USP3: variants seen among roughly 807,000 people sequenced by gnomAD.
USP3 encodes ubiquitin carboxyl-terminal hydrolase 3.
In USP3, 20 loss-of-function variants were observed where a neutral mutation model predicts 72.3. The ratio of observed to expected loss-of-function variants is 0.28; its 90% CI spans 0.19 to 0.40. The LOEUF is 0.40. USP3 is among the 10% of genes least tolerant of loss of function. The pLI is 1.00. For synonymous variants in USP3, 222 were observed against 225.3 expected, an observed-to-expected ratio of 0.99 and a Z score of 0.13; for missense variants, 479 against 633.9, an observed-to-expected ratio of 0.76 and a Z score of 2.62.
rs570103870 is a variant in USP3, at chr15:63,553,527, C to T, written c.285-188C>T. 40 of 435,496 alleles carry T rather than the reference C, an allele frequency of 9.2e-5. No homozygotes were observed. Among genetic ancestry groups the T allele is most frequent in the African/African-American group, 4.3e-4 (21 of 48,834 alleles). 27.0% of individuals were successfully genotyped at this position (435,496 alleles called of 1,614,324 possible). On this transcript the variant is annotated intron_variant, in intron 3 of 14. Coordinates refer to ENST00000380324, the MANE Select transcript of USP3 (RefSeq NM_006537.4). This position sits in a 1 kb window ranked among gnomAD's most constrained non-coding sequence, Gnocchi z 4.2. ...AAAAGAAGCTCATGTTCATTGCCTA[C>T]GTGGCTTTTAAAAAAGACTCTTGAA...
chr15:63,511,303 A>T (rs932805645), intron 1 of USP3, among the ~76,000 whole-genome samples: 13 of 109,144 alleles, frequency 1.2e-4, no homozygotes, highest in Non-Finnish European at 1.9e-4. Context: ...TTTGTTATTC[A>T]GTAACTTAAT....
intron 3 of USP3, among the ~76,000 whole-genome samples, chr15:63,542,543 C>A (rs2066259896): frequency 6.6e-6 from 1 of 151,844 alleles, no homozygotes; most frequent in African/African-American, 2.4e-5. Context: ...TATATAATTA[C>A]CAAGTAGAGT....
chr15:63,571,152 T>C (rs903211885), intron 9 of USP3, among the ~76,000 whole-genome samples: 6 of 152,220 alleles, frequency 3.9e-5, no homozygotes, highest in Non-Finnish European at 7.3e-5. Context: ...AGGACACTTA[T>C]TTTGCTTGAA....
chr15:63,582,371 C>A (rs1297531343), intron 11 of USP3, among the ~76,000 whole-genome samples: 1 of 152,194 alleles, frequency 6.6e-6, no homozygotes, highest in East Asian at 1.9e-4. Flanking sequence ...GCACACCAGT[C>A]TCCTTACCTT....
At chr15:63,560,905 ACTCCCATT>A (rs1184266494) in intron 7 of USP3, among the ~76,000 whole-genome samples, 3 of 151,804 alleles carry the variant, frequency 2.0e-5, no homozygotes, top group Non-Finnish European at 2.9e-5. Flanking sequence ...ACTTCCACAC[ACTCCCATT>A]CTCACTCATT....
At chr15:63,558,026 G>A in intron 5 of USP3, 80 bp from the exon 6 acceptor site, 16 of 1,469,076 alleles carry the variant, frequency 1.1e-5, no homozygotes, top group Non-Finnish European at 1.5e-5. Flanking sequence ...AGATTTCAGA[G>A]GCCTTTCCTT....
At chr15:63,563,279 C>G (rs1000476193) in intron 8 of USP3, among the ~76,000 whole-genome samples, 2 of 152,156 alleles carry the variant, frequency 1.3e-5, no homozygotes, top group African/African-American at 4.8e-5. Flanking sequence ...CTTATGCGCA[C>G]TAGGAAAACA....
chr15:63,537,253 G>A lies in USP3; in HGVS notation c.284+97G>A, dbSNP rs1294624576. 3.0e-6 allele frequency: 4 copies of A among 1,354,806 alleles called. No individual in the cohort carries two copies. The East Asian group carries it at 7.7e-5, about 26-fold the overall frequency. 83.9% of individuals were successfully genotyped at this position (1,354,806 alleles called of 1,614,324 possible). A position where few individuals can be genotyped will look rare whatever the true frequency, so the allele number is the denominator to read the frequency against. On this transcript the variant is annotated intron_variant, in intron 3 of 14. Transcript: ENST00000380324. ...AGTCTCTAAGCCAGTTACTACTGCTGTTACCTCCTTTTACAACTGTTAGGA... is the reference window on the plus strand; with the variant it reads ...AGTCTCTAAGCCAGTTACTACTGCTATTACCTCCTTTTACAACTGTTAGGA...
chr15:63,532,333 C>T (rs887029756), intron 1 of USP3, among the ~76,000 whole-genome samples: 1 of 152,076 alleles, frequency 6.6e-6, no homozygotes, highest in Non-Finnish European at 1.5e-5. Context: ...AATAGACTGT[C>T]GTTAACTTGT....
chr15:63,581,057 C>T (rs2066949047), intron 11 of USP3, among the ~76,000 whole-genome samples: 1 of 152,072 alleles, frequency 6.6e-6, no homozygotes, highest in African/African-American at 2.4e-5. Context: ...CTGCCTGCCT[C>T]GGCCTCCCAA....
intron 8 of USP3, among the ~76,000 whole-genome samples, chr15:63,563,810 T>C (rs1273135203): frequency 6.6e-6 from 1 of 152,234 alleles, no homozygotes; most frequent in East Asian, 1.9e-4. Flanking sequence ...TCATCTATCT[T>C]GCCCTATTGC....
intron 8 of USP3, among the ~76,000 whole-genome samples, chr15:63,568,286 C>T (rs144361510): frequency 6.7e-6 from 1 of 148,552 alleles, no homozygotes; most frequent in African/African-American, 2.5e-5. Context: ...ACCAGGGAGT[C>T]GGAGGTTGCA....
chr15:63,592,170 C>T lies in USP3; in HGVS notation c.*1344C>T, dbSNP rs1239959654. 2 of 152,072 alleles carry T rather than the reference C, an allele frequency of 1.3e-5. No individual in the cohort carries two copies. The highest frequency in any genetic ancestry group is 2.9e-5 in the Non-Finnish European group (2 of 68,032). The allele number at this position is 152,072 out of a possible 1,614,324, so 9.4% of individuals were successfully genotyped here. A position where few individuals can be genotyped will look rare whatever the true frequency, so the allele number is the denominator to read the frequency against. ...TCCTGACCTCAGGTGATCCGCCTGC[C>T]TCAGCCTCCCAAAGTGCTGAGATTA... On this transcript the variant is annotated 3_prime_UTR_variant, in exon 15 of 15. Coordinates refer to ENST00000380324, the MANE Select transcript of USP3 (RefSeq NM_006537.4).
At chr15:63,510,311 C>T (rs2065764452) in intron 1 of USP3, among the ~76,000 whole-genome samples, 1 of 152,072 alleles carries the variant, frequency 6.6e-6, no homozygotes, top group South Asian at 2.1e-4. Context: ...TGTACATTTC[C>T]CCTAACCTAA....
intron 7 of USP3, 75 bp downstream of exon 7, chr15:63,560,045 C>A: frequency 8.1e-7 from 1 of 1,240,102 alleles, no homozygotes; most frequent in Non-Finnish European, 1.1e-6. Flanking sequence ...TTCCATTGTA[C>A]TAAGTGAGCT....
chr15:63,532,500 T>G, intron 1 of USP3, 147 bp from the exon 2 acceptor site: 1 of 815,118 alleles, frequency 1.2e-6, no homozygotes, highest in Non-Finnish European at 2.0e-6. Flanking sequence ...GGCAGCCATT[T>G]TGTGTAAATG....
chr15:63,585,670 G>A (rs1396765245), intron 11 of USP3, among the ~76,000 whole-genome samples: 1 of 152,022 alleles, frequency 6.6e-6, no homozygotes, highest in Non-Finnish European at 1.5e-5. Flanking sequence ...TGTGCCTTTG[G>A]TGTTGCATCT....
intron 1 of USP3, among the ~76,000 whole-genome samples, chr15:63,522,185 G>A (rs2065929401): frequency 1.3e-5 from 2 of 152,182 alleles, no homozygotes; most frequent in African/African-American, 4.8e-5. Flanking sequence ...CCTCTCAGGC[G>A]ATTAATGACT....
rs990108927 is a variant in USP3 at position 63,591,420 on chromosome 15, C to T, written c.*594C>T. 1 of 152,224 alleles carries T rather than the reference C, an allele frequency of 6.6e-6. No individual in the cohort carries two copies. Among genetic ancestry groups the T allele is most frequent in the African/African-American group, 2.4e-5 (1 of 41,460 alleles). 9.4% of individuals were successfully genotyped at this position (152,224 alleles called of 1,614,324 possible). A position where few individuals can be genotyped will look rare whatever the true frequency, so the allele number is the denominator to read the frequency against. The stretch of plus-strand genomic sequence containing the variant: ...AGGCTGCTGTCTTTATCAGCACTAA[C>T]TAAATAAATTTGTTGGTTCAGTTGT... On this transcript the variant is annotated 3_prime_UTR_variant, in exon 15 of 15. Transcript: ENST00000380324.
Sources: allele counts gnomAD v4.1 joint callset (sites outside exome capture counted in the v4.1 genomes callset), GRCh38; gene constraint gnomAD v4.1.1; non-coding constraint Gnocchi (gnomAD v3.1); transcripts MANE v1.5; gene names NCBI Gene and HGNC (gene_info 2026-07-23, HGNC 2026-07-21).